DERA: variants seen among roughly 807,000 people sequenced by gnomAD.
DERA encodes 2-deoxy-D-ribose 5-phosphate aldolase.
Under a neutral mutation model 41.1 loss-of-function variants are expected in DERA, and 15 were observed. That is an observed-to-expected ratio of 0.37 (90% CI 0.24 to 0.56). The LOEUF (loss-of-function observed/expected upper bound fraction) is 0.56. DERA is among the 20% of genes least tolerant of loss of function. The pLI is 0.81. For missense variants in DERA, 396 were observed against 403.4 expected (o/e 0.98, Z 0.16); for synonymous variants, 139 against 137.4 (o/e 1.01, Z -0.08).
chr12:15,947,528 A>G (rs1179123124), intron 1 of DERA, among the ~76,000 whole-genome samples: 1 of 151,706 alleles, frequency 6.6e-6, no homozygotes, highest in Non-Finnish European at 1.5e-5. Context: ...TAGGATTGCA[A>G]CCCCTGCCTT....
chr12:16,009,389 C>G lies in DERA; in HGVS notation c.638-23153C>G, dbSNP rs1208355636. Among the ~76,000 whole-genome samples, 1 of 152,108 alleles carries G rather than the reference C, an allele frequency of 6.6e-6. No individual in the cohort carries two copies. The highest frequency in any genetic ancestry group is 1.5e-5 in the Non-Finnish European group (1 of 68,010). Reference sequence around the variant, plus strand: ...ATCCTATATACAATACTTTTTAGATCTTTATACTTTAAATTTTTCATCATC... The same window carrying G: ...ATCCTATATACAATACTTTTTAGATGTTTATACTTTAAATTTTTCATCATC... On this transcript the variant is annotated intron_variant, in intron 6 of 8. Coordinates refer to ENST00000428559, the MANE Select transcript of DERA (RefSeq NM_015954.4). This position sits in a 1 kb window ranked among gnomAD's most constrained non-coding sequence, Gnocchi z 5.3.
At chr12:15,987,994 T>C (rs1160752708) in intron 6 of DERA, among the ~76,000 whole-genome samples, 1 of 152,130 alleles carries the variant, frequency 6.6e-6, no homozygotes, top group Non-Finnish European at 1.5e-5. Context: ...AGGTGCAGAC[T>C]CCATGCGAGG....
intron 4 of DERA, among the ~76,000 whole-genome samples, chr12:15,962,123 A>G (rs988748652): frequency 7.9e-5 from 12 of 152,186 alleles, no homozygotes; most frequent in African/African-American, 2.9e-4. Context: ...CATGTAAAAG[A>G]TGTTACTATT....
At chr12:15,927,359 T>A (rs868083117) in intron 1 of DERA, among the ~76,000 whole-genome samples, 34 of 152,322 alleles carry the variant, frequency 2.2e-4, no homozygotes, top group African/African-American at 7.9e-4. Flanking sequence ...CTGTGACTAT[T>A]TTAGATAAAT....
At chr12:15,945,069 A>T (rs1056770300) in intron 1 of DERA, among the ~76,000 whole-genome samples, 18 of 152,058 alleles carry the variant, frequency 1.2e-4, no homozygotes, top group African/African-American at 4.3e-4. Flanking sequence ...TGAGGGCTCA[A>T]TTCTGTTCCA....
At chr12:16,005,476 C>G (rs1010320342) in intron 6 of DERA, among the ~76,000 whole-genome samples, 3 of 152,116 alleles carry the variant, frequency 2.0e-5, no homozygotes, top group African/African-American at 7.2e-5. Flanking sequence ...GACCAGCTCG[C>G]TTCAACCGAG....
In DERA at chr12:15,940,340, T is replaced by C. The variant is rs922495480; in HGVS notation, c.32-16596T>C. ...CTTAATAACTACTGCTTTCCTTTTT[T>C]TATTTTATTTTATTATTATTTTTTT... On this transcript the variant is annotated intron_variant, in intron 1 of 8. Coordinates refer to ENST00000428559, the MANE Select transcript of DERA (RefSeq NM_015954.4). This position sits in a 1 kb window ranked among gnomAD's most constrained non-coding sequence, Gnocchi z 5.1. Among the ~76,000 whole-genome samples, 1 of 152,110 alleles carries C rather than the reference T, an allele frequency of 6.6e-6. No homozygotes were observed. Among genetic ancestry groups the C allele is most frequent in the Non-Finnish European group, 1.5e-5 (1 of 68,012 alleles).
In DERA at chr12:16,004,259, A is replaced by G. The variant is rs1948894772; in HGVS notation, c.637+21823A>G. Among the ~76,000 whole-genome samples the G allele has an allele frequency of 6.6e-6, 1 of 152,234 alleles. No homozygotes were observed. Among genetic ancestry groups the G allele is most frequent in the South Asian group, 2.1e-4 (1 of 4,834 alleles). On this transcript the variant is annotated intron_variant, in intron 6 of 8. Coordinates refer to ENST00000428559, the MANE Select transcript of DERA (RefSeq NM_015954.4). The surrounding 1 kb of genome is among the most constrained non-coding windows in gnomAD (Gnocchi z 4.2). ...ATAATTTGAATCTGAATGTACAGCC[A>G]AGTATTCAAAATATAAATAGATGCA... is the stretch of plus-strand genomic sequence containing the variant.
intron 6 of DERA, among the ~76,000 whole-genome samples, chr12:16,023,408 A>G (rs1478017346): frequency 2.6e-5 from 4 of 151,724 alleles, no homozygotes; most frequent in Non-Finnish European, 4.4e-5. Context: ...GTTACCCAAT[A>G]TATCATGCAT....
rs1288780483 is a variant in DERA at position 15,962,047 on chromosome 12, A to G, written c.374-766A>G. 4.6e-5 allele frequency among the ~76,000 whole-genome samples: 7 copies of G among 152,342 alleles called. No individual in the cohort carries two copies. In the South Asian group the frequency reaches 8.3e-4, roughly 18 times the overall value. On this transcript the variant is annotated intron_variant, in intron 4 of 8. Coordinates refer to ENST00000428559, the MANE Select transcript of DERA (RefSeq NM_015954.4). ...GCAAGAGCCACTGTGCCCAGCCCCAAGGAATTTAATATCAAGGTAACATGA... is the reference window on the plus strand; with the variant it reads ...GCAAGAGCCACTGTGCCCAGCCCCAGGGAATTTAATATCAAGGTAACATGA...
Position 15,947,938 on chromosome 12 carries a change from G to T in DERA, c.32-8998G>T, listed in dbSNP as rs1452937190. ...AAATCTCTCAGCATTTGCTTGTCAA[G>T]AATTTTATTTCTCCTTCACTGGAAG... On this transcript the variant is annotated intron_variant, in intron 1 of 8. Coordinates refer to ENST00000428559, the MANE Select transcript of DERA (RefSeq NM_015954.4). 2.0e-5 allele frequency among the ~76,000 whole-genome samples: 3 copies of T among 151,252 alleles called. No homozygotes were observed. In the East Asian group the frequency reaches 5.8e-4, roughly 29 times the overall value.
chr12:15,911,472 T>C lies in DERA; in HGVS notation c.31+58T>C. 1.4e-6 allele frequency: 2 copies of C among 1,390,706 alleles called. No homozygotes were observed. Among genetic ancestry groups the C allele is most frequent in the Non-Finnish European group, 1.9e-6 (2 of 1,067,722 alleles). 86.1% of individuals were successfully genotyped at this position (1,390,706 alleles called of 1,614,324 possible). On this transcript the variant is annotated intron_variant, in intron 1 of 8. Coordinates refer to ENST00000428559, the MANE Select transcript of DERA (RefSeq NM_015954.4). The surrounding 1 kb of genome is among the most constrained non-coding windows in gnomAD (Gnocchi z 4.5). ...CCCTCGCGTTCAGCGCCGCCGGGAC[T>C]AGCGCGGGGCCTGCTGCCGCCCAGT...
chr12:16,002,847 T>G (rs1420449670), intron 6 of DERA, among the ~76,000 whole-genome samples: 2 of 152,204 alleles, frequency 1.3e-5, no homozygotes, highest in Non-Finnish European at 2.9e-5. Flanking sequence ...TCCTTCCTCA[T>G]GTCATGTCAT....
chr12:15,942,651 T>C (rs1948416819), intron 1 of DERA, among the ~76,000 whole-genome samples: 1 of 152,178 alleles, frequency 6.6e-6, no homozygotes, highest in African/African-American at 2.4e-5. Context: ...CAGTAATCAG[T>C]GAATGCCTGG....
Position 15,981,341 on chromosome 12 carries a change from C to A in DERA, c.509-967C>A, listed in dbSNP as rs577678757. ...CCAGCCTGGGTGACAGAGCAAGACT[C>A]CATCTCAAAAACCAAAAAACAAAAA... On this transcript the variant is annotated intron_variant, in intron 5 of 8. Coordinates refer to ENST00000428559, the MANE Select transcript of DERA (RefSeq NM_015954.4). This position sits in a 1 kb window ranked among gnomAD's most constrained non-coding sequence, Gnocchi z 6.1. 1.5e-4 allele frequency among the ~76,000 whole-genome samples: 23 copies of A among 152,164 alleles called. No individual in the cohort carries two copies. The East Asian group carries it at 4.4e-3, about 29-fold the overall frequency.
intron 5 of DERA, among the ~76,000 whole-genome samples, chr12:15,968,407 C>A (rs1948638181): frequency 6.6e-6 from 1 of 152,146 alleles, no homozygotes. Context: ...AGAAGACTTT[C>A]CTCTCCCTGG....
rs772945183 is a variant in DERA, at chr12:16,004,315, C to T, written c.637+21879C>T. On this transcript the variant is annotated intron_variant, in intron 6 of 8. Transcript: ENST00000428559. This position sits in a 1 kb window ranked among gnomAD's most constrained non-coding sequence, Gnocchi z 4.2. The stretch of plus-strand genomic sequence containing the variant: ...AAAATCAAAAGCACATATAATTCCC[C>T]CAGACCCTACATAAAGCAAAAGGAA... Among the ~76,000 whole-genome samples, 5 of 151,980 alleles carry T rather than the reference C, an allele frequency of 3.3e-5. No homozygotes were observed. Among genetic ancestry groups the T allele is most frequent in the Non-Finnish European group, 7.4e-5 (5 of 68,006 alleles).
rs1317012336 is a variant in DERA at position 16,012,649 on chromosome 12, CT to C, written c.638-19887del. ...ATTCTACCTCTAGGCAGAATTAAGC[CT>C]TTTTTCTCAATAAATTTTAAACCAA... On this transcript the variant is annotated intron_variant, in intron 6 of 8. Transcript: ENST00000428559. This position sits in a 1 kb window ranked among gnomAD's most constrained non-coding sequence, Gnocchi z 4.1. Among the ~76,000 whole-genome samples, 1 of 152,044 alleles carries C rather than the reference CT, an allele frequency of 6.6e-6. No homozygotes were observed. Among genetic ancestry groups the C allele is most frequent in the Non-Finnish European group, 1.5e-5 (1 of 68,022 alleles).
rs146682037 is a variant in DERA at position 15,927,899 on chromosome 12, G to A, written c.31+16485G>A. Among the ~76,000 whole-genome samples the A allele has an allele frequency of 1.4e-3, 220 of 152,148 alleles. 4 individuals carry two copies. The East Asian group carries it at 0.033, about 23-fold the overall frequency. ...TAGATTGATATGGCATGGAATAGTG[G>A]CTAAAAACCATATAAGGGAAGAAAA... is the stretch of plus-strand genomic sequence containing the variant. On this transcript the variant is annotated intron_variant, in intron 1 of 8. Coordinates refer to ENST00000428559, the MANE Select transcript of DERA (RefSeq NM_015954.4).
Sources: gnomAD v4.1 joint callset for allele counts (sites outside exome capture counted in the v4.1 genomes callset) on GRCh38, gnomAD v4.1.1 for gene constraint, Gnocchi (gnomAD v3.1) non-coding constraint, MANE v1.5 for transcripts, NCBI Gene and HGNC (gene_info 2026-07-23, HGNC 2026-07-21) for gene names.